The following CELF2 variants were observed in gnomAD, a reference collection of about 807,000 sequenced individuals.
CELF2 encodes the protein CUG triplet repeat RNA-binding protein 2.
A neutral mutation model predicts 62.6 loss-of-function variants in CELF2; 8 were observed. The ratio of observed to expected loss-of-function variants is 0.13; its 90% confidence interval spans 0.07 to 0.23. The LOEUF is 0.23. Ranked by LOEUF, CELF2 falls within the 10% of genes least tolerant of loss-of-function variation. The probability of loss-of-function intolerance (pLI) is 1.00; values close to 1 mark genes in which losing one functional copy is unlikely to be tolerated. For missense variants in CELF2, 333 were observed against 671.0 expected (o/e 0.50, Z 5.56); for synonymous variants, 258 against 250.0 (o/e 1.03, Z -0.30).
At position 10,931,370 on chromosome 10, in the gene CELF2, G is replaced by A. The variant is rs903237761; in HGVS notation, c.89+11371G>A. ...CTGCTTGTCATGCTGGCTGGGGGTG[G>A]GGGGTGTAACTTTAAGGAATAATGC... On this transcript the variant is annotated intron_variant, in intron 2 of 13. Coordinates refer to the CELF2 transcript ENST00000636488. The surrounding 1 kb of genome is among the most constrained non-coding windows in gnomAD (Gnocchi z 6.1). Among the ~76,000 whole-genome samples the A allele has an allele frequency of 1.3e-5, 2 of 152,192 alleles. No individual in the cohort carries two copies. Among genetic ancestry groups the A allele is most frequent in the African/African-American group, 4.8e-5 (2 of 41,546 alleles).
At chr10:10,511,946 C>T in the CELF2 span, among the ~76,000 whole-genome samples, 3 of 152,084 alleles carry the variant, frequency 2.0e-5, no homozygotes, top group Non-Finnish European at 2.9e-5. Context: ...GTTTCTTCTT[C>T]GTAAAGAGCC....
At chr10:10,539,329 T>C in the CELF2 span, among the ~76,000 whole-genome samples, 4 of 152,230 alleles carry the variant, frequency 2.6e-5, no homozygotes, top group Non-Finnish European at 5.9e-5. Flanking sequence ...TAGAGAAAAC[T>C]GTTTTGTTTT....
intron 1 of CELF2, among the ~76,000 whole-genome samples, chr10:11,150,406 T>C (rs1282449217): frequency 6.6e-6 from 1 of 152,240 alleles, no homozygotes; most frequent in Non-Finnish European, 1.5e-5. Flanking sequence ...TGAAAAGACT[T>C]CCTTCATAAT....
chr10:10,921,746 G>C (rs760861860), intron 2 of CELF2, among the ~76,000 whole-genome samples: 10 of 152,154 alleles, frequency 6.6e-5, no homozygotes, highest in Non-Finnish European at 1.2e-4. Flanking sequence ...ATGGACGCAG[G>C]AAAGGGGTGT....
At chr10:10,952,573 G>C (rs570088236) in intron 2 of CELF2, among the ~76,000 whole-genome samples, 1 of 152,134 alleles carries the variant, frequency 6.6e-6, no homozygotes, top group South Asian at 2.1e-4. Flanking sequence ...GTCTCCACAG[G>C]GTGTTTCCTT....
At chr10:10,780,353 G>A in the CELF2 span, among the ~76,000 whole-genome samples, 5 of 152,144 alleles carry the variant, frequency 3.3e-5, no homozygotes, top group African/African-American at 1.2e-4. Context: ...AAAGAAGATA[G>A]GTGCTCAGTG....
chr10:10,509,240 TAA>T, the CELF2 span, among the ~76,000 whole-genome samples: 3 of 152,214 alleles, frequency 2.0e-5, no homozygotes, highest in African/African-American at 7.2e-5. Context: ...TGTCCTTGAG[TAA>T]ACTGTCCTAG....
At chr10:10,953,308 C>A (rs552532572) in intron 2 of CELF2, among the ~76,000 whole-genome samples, 1 of 152,234 alleles carries the variant, frequency 6.6e-6, no homozygotes, top group African/African-American at 2.4e-5. Context: ...CTATAATTAC[C>A]ATCTATAATT....
chr10:10,620,719 GGT>G, the CELF2 span, among the ~76,000 whole-genome samples: 4 of 151,218 alleles, frequency 2.6e-5, no homozygotes, highest in Non-Finnish European at 4.4e-5. Context: ...TGGCTAACAC[GGT>G]GAAACCCCCT....
intron 1 of CELF2, among the ~76,000 whole-genome samples, chr10:11,116,310 A>C (rs980812350): frequency 6.6e-6 from 1 of 152,166 alleles, no homozygotes. Flanking sequence ...AAACCTAATC[A>C]CCAGAGATGC....
chr10:10,987,285 C>G (rs1220373587), intron 2 of CELF2, among the ~76,000 whole-genome samples: 2 of 150,278 alleles, frequency 1.3e-5, no homozygotes, highest in African/African-American at 4.9e-5. Context: ...TGGCATTGCT[C>G]TAAAACCTCA....
At chr10:11,088,411 G>T (rs1343252427) in intron 1 of CELF2, among the ~76,000 whole-genome samples, 2 of 152,216 alleles carry the variant, frequency 1.3e-5, no homozygotes, top group Non-Finnish European at 2.9e-5. Context: ...AGAGGACTTT[G>T]CATGCTGGGC....
intron 4 of CELF2, among the ~76,000 whole-genome samples, chr10:11,252,852 A>C (rs535093757): frequency 6.6e-6 from 1 of 152,236 alleles, no homozygotes; most frequent in South Asian, 2.1e-4. Context: ...CCCACCTTCC[A>C]ACAGAATCCG....
At chr10:10,823,211 C>A (rs1786871995) in intron 1 of CELF2, among the ~76,000 whole-genome samples, 1 of 152,124 alleles carries the variant, frequency 6.6e-6, no homozygotes, top group Non-Finnish European at 1.5e-5. Context: ...ATGGCCTGTA[C>A]CTTCTAGTGC....
At chr10:11,215,908 C>G (rs1294905920) in intron 2 of CELF2, among the ~76,000 whole-genome samples, 1 of 152,172 alleles carries the variant, frequency 6.6e-6, no homozygotes, top group Non-Finnish European at 1.5e-5. Flanking sequence ...TGAAGCTGAA[C>G]TCACCAGTGA....
At chr10:10,481,516 CA>C in the CELF2 span, among the ~76,000 whole-genome samples, 4 of 152,148 alleles carry the variant, frequency 2.6e-5, no homozygotes, top group African/African-American at 9.7e-5. Flanking sequence ...CTCAGGTAAT[CA>C]ACTTCCCCAC....
chr10:11,028,392 G>A (rs1437094863), intron 1 of CELF2, among the ~76,000 whole-genome samples: 1 of 150,858 alleles, frequency 6.6e-6, no homozygotes, highest in South Asian at 2.1e-4. Flanking sequence ...CAGCCGTTAA[G>A]GAAACGATTT....
At chr10:10,626,867 T>C in the CELF2 span, among the ~76,000 whole-genome samples, 1 of 152,232 alleles carries the variant, frequency 6.6e-6, no homozygotes, top group Admixed American at 6.5e-5. Context: ...TTAGCAACAC[T>C]GACAACATTT....
chr10:11,194,201 G>T (rs1230006041), intron 2 of CELF2, among the ~76,000 whole-genome samples: 2 of 151,998 alleles, frequency 1.3e-5, no homozygotes, highest in East Asian at 3.9e-4. Context: ...GAGTAGCTGG[G>T]ACTACAGGCA....
Sources: allele counts gnomAD v4.1 joint callset (sites outside exome capture counted in the v4.1 genomes callset), GRCh38; gene constraint gnomAD v4.1.1; non-coding constraint Gnocchi (gnomAD v3.1); transcripts MANE v1.5; gene names NCBI Gene and HGNC (gene_info 2026-07-23, HGNC 2026-07-21).